The following CADM2 variants were observed in gnomAD, a reference collection of about 807,000 sequenced individuals.
CADM2 encodes cell adhesion molecule 2.
Under a neutral mutation model 49.8 loss-of-function variants are expected in CADM2, and 12 were observed. The observed-to-expected ratio is 0.24, with a 90% CI of 0.15 to 0.39. CADM2 has a LOEUF of 0.39. CADM2 is among the 10% of genes least tolerant of loss of function. The pLI, the probability that CADM2 is intolerant of heterozygous loss-of-function variation, is 1.00. For missense variants in CADM2, 378 were observed against 492.3 expected, an observed-to-expected ratio of 0.77 and a Z score of 2.20; for synonymous variants, 214 against 175.4, an observed-to-expected ratio of 1.22 and a Z score of -1.74.
Position 85,436,184 on chromosome 3 carries a change from A to T in CADM2, c.62-290338A>T, listed in dbSNP as rs567878193. On this transcript the variant is annotated intron_variant, in intron 1 of 9. Coordinates refer to ENST00000383699, the MANE Select transcript of CADM2 (RefSeq NM_001167675.2). The stretch of plus-strand genomic sequence containing the variant: ...TAAGTATTTTATTCTCTTTGTAGCA[A>T]TGGTGAATGGGAGTTCACTCATGAT... 2.0e-5 allele frequency among the ~76,000 whole-genome samples: 3 copies of T among 152,238 alleles called. No homozygotes were observed. The South Asian group carries it at 6.2e-4, about 32-fold the overall frequency.
At chr3:85,354,385 A>G (rs553150038) in intron 1 of CADM2, among the ~76,000 whole-genome samples, 3,101 of 149,190 alleles carry the variant, frequency 0.021, 44 homozygotes, top group African/African-American at 0.03. Context: ...GATAGCATTA[A>G]GAGATACACC....
chr3:85,766,592 T>A (rs879281278), intron 2 of CADM2, among the ~76,000 whole-genome samples: 2 of 152,208 alleles, frequency 1.3e-5, no homozygotes, highest in Non-Finnish European at 2.9e-5. Context: ...ACATTTTAGT[T>A]TTGTGATGCT....
chr3:86,065,660 A>T lies in CADM2; in HGVS notation c.1026A>T (p.Ile342=). Residue 342 remains isoleucine, a synonymous_variant, in exon 9 of 10, where the codon ATA becomes ATT. Transcript: ENST00000383699. ...NGPDHALIGG[I]VAVVVFVTLC... Reference sequence around the variant, plus strand: ...CTGACCATGCTCTCATAGGAGGAATAGTGGCTGTAGTTGTATTTGTCACGC... The same window carrying T: ...CTGACCATGCTCTCATAGGAGGAATTGTGGCTGTAGTTGTATTTGTCACGC... 3 of 1,614,014 alleles carry T rather than the reference A, an allele frequency of 1.9e-6. No homozygotes were observed. Among genetic ancestry groups the T allele is most frequent in the Non-Finnish European group, 2.5e-6 (3 of 1,179,944 alleles).
chr3:85,336,217 T>C (rs1459389092), intron 1 of CADM2, among the ~76,000 whole-genome samples: 1 of 151,558 alleles, frequency 6.6e-6, no homozygotes, highest in Non-Finnish European at 1.5e-5. Context: ...TGGAACCCCA[T>C]GTTTTTTAGA....
chr3:85,374,816 C>T (rs1309543588), intron 1 of CADM2, among the ~76,000 whole-genome samples: 2 of 151,986 alleles, frequency 1.3e-5, no homozygotes, highest in African/African-American at 4.8e-5. Context: ...AGGGAAAAAC[C>T]CACTCCAATG....
At chr3:85,701,994 AGATAGATAGATAGATAGATAGATAGTT>A (rs2066787445) in intron 1 of CADM2, among the ~76,000 whole-genome samples, 8 of 141,694 alleles carry the variant, frequency 5.6e-5, no homozygotes. Context: ...ATAGATAGAT[AGATAGATAGATAGATAGATAGATAGTT>A]GATAGATAGA....
chr3:85,195,056 T>C (rs556393354), intron 1 of CADM2, among the ~76,000 whole-genome samples: 1 of 152,096 alleles, frequency 6.6e-6, no homozygotes, highest in South Asian at 2.1e-4. Context: ...ACCTGAACTT[T>C]GAGAAGCAGT....
At chr3:85,584,594 T>G (rs2062886425) in intron 1 of CADM2, among the ~76,000 whole-genome samples, 1 of 152,102 alleles carries the variant, frequency 6.6e-6, no homozygotes, top group Non-Finnish European at 1.5e-5. Context: ...ATGTTAGTAG[T>G]GTGAAAATGT....
At chr3:85,254,006 G>C (rs184598771) in intron 1 of CADM2, among the ~76,000 whole-genome samples, 1 of 151,988 alleles carries the variant, frequency 6.6e-6, no homozygotes, top group South Asian at 2.1e-4. Context: ...ATGGTTGAAG[G>C]CTCAGCCCCC....
intron 1 of CADM2, among the ~76,000 whole-genome samples, chr3:85,254,040 C>T (rs992082849): frequency 1.3e-5 from 2 of 152,062 alleles, no homozygotes; most frequent in East Asian, 3.9e-4. Flanking sequence ...CTTCAGATGC[C>T]AGTTGCAAGT....
intron 1 of CADM2, among the ~76,000 whole-genome samples, chr3:85,067,769 G>A (rs1010877289): frequency 6.6e-6 from 1 of 152,054 alleles, no homozygotes; most frequent in African/African-American, 2.4e-5. Context: ...ATTAATCTAA[G>A]CTGCCTTTAT....
chr3:85,139,677 A>G (rs1247458055), intron 1 of CADM2, among the ~76,000 whole-genome samples: 1 of 152,206 alleles, frequency 6.6e-6, no homozygotes, highest in Admixed American at 6.5e-5. Flanking sequence ...GCCATGTAAT[A>G]GAATAGTCAA....
intron 1 of CADM2, among the ~76,000 whole-genome samples, chr3:85,275,396 T>C (rs56919219): frequency 0.066 from 10,044 of 151,500 alleles, 1,092 homozygotes; most frequent in African/African-American, 0.23. Context: ...TTATGATTCA[T>C]TGTAGATTTG....
intron 6 of CADM2, among the ~76,000 whole-genome samples, chr3:85,919,517 C>T (rs566758698): frequency 9.9e-5 from 15 of 151,692 alleles, no homozygotes; most frequent in Non-Finnish European, 2.1e-4. Flanking sequence ...AACAGAAAAA[C>T]GTTTGGGTCC....
At position 85,968,602 on chromosome 3, in the gene CADM2, A is replaced by G. The variant is rs9866273; in HGVS notation, c.970+6955A>G. Among the ~76,000 whole-genome samples, 6 of 151,438 alleles carry G rather than the reference A, an allele frequency of 4.0e-5. No individual in the cohort carries two copies. The South Asian group carries it at 1.0e-3, about 26-fold the overall frequency. On this transcript the variant is annotated intron_variant, in intron 8 of 9. Coordinates refer to ENST00000383699, the MANE Select transcript of CADM2 (RefSeq NM_001167675.2). ...TCATCATTAAAAAAATATTTTCTCA[A>G]CTTATTTACATATAATATTTTCTCT...
chr3:85,775,131 T>A (rs2070297401), intron 2 of CADM2, among the ~76,000 whole-genome samples: 1 of 151,648 alleles, frequency 6.6e-6, no homozygotes, highest in African/African-American at 2.4e-5. Context: ...TAGAAATAAA[T>A]GGAATATTTA....
chr3:85,187,525 C>T (rs1447598305), intron 1 of CADM2, among the ~76,000 whole-genome samples: 2 of 151,982 alleles, frequency 1.3e-5, no homozygotes, highest in African/African-American at 4.8e-5. Flanking sequence ...ATATTATTCA[C>T]TTGTCATTTT....
At position 85,164,651 on chromosome 3, in the gene CADM2, T is replaced by C. The variant is rs191839428; in HGVS notation, c.61+204983T>C. Among the ~76,000 whole-genome samples the C allele has an allele frequency of 3.9e-5, 6 of 152,172 alleles. No homozygotes were observed. The East Asian group carries it at 7.7e-4, about 20-fold the overall frequency. ...GCAATCAGGCATGTCTTGATTTGTA[T>C]AGGCAAATCTCTGCAATTGCTGTGT... On this transcript the variant is annotated intron_variant, in intron 1 of 9. Coordinates refer to ENST00000383699, the MANE Select transcript of CADM2 (RefSeq NM_001167675.2).
intron 1 of CADM2, among the ~76,000 whole-genome samples, chr3:85,327,037 C>CT (rs889112760): frequency 1.9e-4 from 29 of 149,998 alleles, no homozygotes; most frequent in South Asian, 1.9e-3. Flanking sequence ...CTTAATGTGT[C>CT]TTTTTTTTTC....
Sources: gnomAD v4.1 joint callset for allele counts (sites outside exome capture counted in the v4.1 genomes callset) on GRCh38, gnomAD v4.1.1 for gene constraint, MANE v1.5 for transcripts, NCBI Gene and HGNC (gene_info 2026-07-23, HGNC 2026-07-21) for gene names.